MAML2: variants seen among roughly 807,000 people sequenced by gnomAD.
MAML2 encodes mastermind-like protein 2.
MAML2 carries 22 observed loss-of-function variants against 96.1 expected under a neutral mutation model. The observed-to-expected ratio is 0.23, with a 90% CI of 0.16 to 0.33. MAML2 has a LOEUF of 0.33. Ranked by LOEUF, MAML2 falls within the 10% of genes least tolerant of loss-of-function variation. The pLI, the probability that MAML2 is intolerant of heterozygous loss-of-function variation, is 1.00. For synonymous variants in MAML2, 561 were observed against 521.3 expected, an observed-to-expected ratio of 1.08 and a Z score of -1.04; for missense variants, 1,367 against 1,392.4, an observed-to-expected ratio of 0.98 and a Z score of 0.29.
intron 1 of MAML2, among the ~76,000 whole-genome samples, chr11:96,323,494 A>AAC (rs1349173545): frequency 3.3e-5 from 5 of 151,712 alleles, no homozygotes; most frequent in Admixed American, 6.6e-5. Flanking sequence ...AAAAAAAAAA[A>AAC]AACCCATCTG....
intron 1 of MAML2, among the ~76,000 whole-genome samples, chr11:96,256,831 T>G (rs1862675391): frequency 6.6e-6 from 1 of 152,232 alleles, no homozygotes; most frequent in African/African-American, 2.4e-5. Flanking sequence ...ACATCTGGTT[T>G]GACTCTATCA....
At chr11:96,252,501 C>T (rs1384000986) in intron 1 of MAML2, among the ~76,000 whole-genome samples, 1 of 149,372 alleles carries the variant, frequency 6.7e-6, no homozygotes, top group Non-Finnish European at 1.5e-5. Context: ...TCTCTGCTCA[C>T]TGCAACTTCT....
In MAML2 at chr11:96,248,513, A is replaced by C. The variant is rs147794264; in HGVS notation, c.513+92870T>G. ...TACTTTTATTCTCTGCTATTACTAC[A>C]CTGTTACTGGAGATGAAACTACCCT... On this transcript the variant is annotated intron_variant, in intron 1 of 4. Transcript: ENST00000524717. Among the ~76,000 whole-genome samples the C allele has an allele frequency of 2.3e-3, 350 of 151,942 alleles. 3 individuals carry two copies. The highest frequency in any genetic ancestry group is 8.3e-3 in the African/African-American group (344 of 41,424).
At chr11:96,143,882 G>A (rs977094306) in intron 1 of MAML2, among the ~76,000 whole-genome samples, 3 of 152,200 alleles carry the variant, frequency 2.0e-5, no homozygotes, top group Admixed American at 2.0e-4. Context: ...CTGGGGGAAC[G>A]TGAGGTTTGT....
intron 2 of MAML2, among the ~76,000 whole-genome samples, chr11:96,090,641 T>C (rs1035727925): frequency 1.3e-5 from 2 of 152,212 alleles, no homozygotes; most frequent in Admixed American, 1.3e-4. Context: ...TGTGTATATA[T>C]ATGTCTGTAC....
chr11:95,985,214 C>T lies in MAML2; in HGVS notation c.2455+317G>A, dbSNP rs534163599. ...CCTGTCTAAGAGGGAGAAATGTCTG[C>T]TTACCTTCTACTACCTGGGTTAAGG... On this transcript the variant is annotated intron_variant, in intron 4 of 4. Transcript: ENST00000524717. Among the ~76,000 whole-genome samples the T allele has an allele frequency of 1.7e-3, 264 of 152,264 alleles. 2 individuals are homozygous for T. The highest frequency in any genetic ancestry group is 5.7e-3 in the African/African-American group (237 of 41,562).
intron 1 of MAML2, among the ~76,000 whole-genome samples, chr11:96,158,559 C>A (rs1287200824): frequency 6.6e-6 from 1 of 152,152 alleles, no homozygotes; most frequent in East Asian, 1.9e-4. Context: ...CAGCAGATTT[C>A]TTTTGCCTGG....
chr11:96,182,336 T>C (rs2135911857), intron 1 of MAML2, among the ~76,000 whole-genome samples: 1 of 152,304 alleles, frequency 6.6e-6, no homozygotes, highest in Admixed American at 6.5e-5. Context: ...ATTCAACAAA[T>C]ATCTATTTAG....
At chr11:96,050,133 G>A (rs899584842) in intron 2 of MAML2, among the ~76,000 whole-genome samples, 1 of 152,116 alleles carries the variant, frequency 6.6e-6, no homozygotes, top group African/African-American at 2.4e-5. Flanking sequence ...GATCCTTACC[G>A]GTGTGGCTCC....
intron 2 of MAML2, among the ~76,000 whole-genome samples, chr11:95,994,714 TC>T (rs1301630356): frequency 6.6e-6 from 1 of 152,226 alleles, no homozygotes; most frequent in Non-Finnish European, 1.5e-5. Context: ...TCTGCTCTTT[TC>T]TTTGTTAGTT....
chr11:96,139,477 A>T (rs1329123868), intron 1 of MAML2, among the ~76,000 whole-genome samples: 1 of 140,368 alleles, frequency 7.1e-6, no homozygotes, highest in Non-Finnish European at 1.6e-5. Context: ...ACTCTGTCTT[A>T]AAAAAAAAAA....
intron 2 of MAML2, among the ~76,000 whole-genome samples, chr11:96,040,993 G>T (rs995063665): frequency 3.3e-5 from 5 of 152,282 alleles, no homozygotes; most frequent in Middle Eastern, 3.4e-3. Context: ...TTGTAGATCA[G>T]TCATTCATTG....
chr11:96,164,989 T>G (rs1861169189), intron 1 of MAML2, among the ~76,000 whole-genome samples: 1 of 152,144 alleles, frequency 6.6e-6, no homozygotes, highest in Non-Finnish European at 1.5e-5. Context: ...AGACAACAAT[T>G]ATAGAAAACT....
Position 96,342,152 on chromosome 11 carries a change from T to C in MAML2, c.-257A>G. The stretch of plus-strand genomic sequence containing the variant: ...ACAAACCCTGATTAACTTACTCTAA[T>C]TGCATTTGACAGCTCTGGAGAAGTT... On this transcript the variant is annotated 5_prime_UTR_variant, in exon 1 of 5. Transcript: ENST00000524717. The C allele has an allele frequency of 2.0e-6, 1 of 510,782 alleles. No homozygotes were observed. Among genetic ancestry groups the C allele is most frequent in the Non-Finnish European group, 3.5e-6 (1 of 289,670 alleles). The allele number at this position is 510,782 out of a possible 1,614,324, so 31.6% of individuals were successfully genotyped here. A position where few individuals can be genotyped will look rare whatever the true frequency, so the allele number is the denominator to read the frequency against.
chr11:96,204,735 C>T (rs1272081122), intron 1 of MAML2, among the ~76,000 whole-genome samples: 2 of 152,168 alleles, frequency 1.3e-5, no homozygotes, highest in Non-Finnish European at 2.9e-5. Flanking sequence ...TGCTTAAGTT[C>T]ATACAGCCAC....
At chr11:95,986,821 C>G (rs775460481) in intron 3 of MAML2, among the ~76,000 whole-genome samples, 17 of 152,070 alleles carry the variant, frequency 1.1e-4, no homozygotes, top group Non-Finnish European at 2.2e-4. Context: ...CACAGGTTTG[C>G]TGTCCTCCCT....
chr11:96,172,376 G>A (rs117528849), intron 1 of MAML2, among the ~76,000 whole-genome samples: 1,646 of 152,312 alleles, frequency 0.011, 13 homozygotes, highest in Non-Finnish European at 0.014. Context: ...GGTGTTCAGA[G>A]AGTCTCCTTC....
In MAML2 at chr11:96,115,390, T is replaced by C. The variant is rs377526031; in HGVS notation, c.514-21873A>G. Among the ~76,000 whole-genome samples, 348 of 151,988 alleles carry C rather than the reference T, an allele frequency of 2.3e-3. 2 individuals are homozygous for C. Among genetic ancestry groups the C allele is most frequent in the African/African-American group, 7.8e-3 (324 of 41,436 alleles). On this transcript the variant is annotated intron_variant, in intron 1 of 4. Transcript: ENST00000524717. ...CTTTGTAGGTTGCCCAGGCTGGTCG[T>C]GAACTCTTGGTCTCAAGCAAATCTC...
rs528520544 is a variant in MAML2 at position 96,054,083 on chromosome 11, T to C, written c.2139+37809A>G. Among the ~76,000 whole-genome samples the C allele has an allele frequency of 3.3e-5, 5 of 152,292 alleles. No individual in the cohort carries two copies. The South Asian group carries it at 1.0e-3, about 32-fold the overall frequency. On this transcript the variant is annotated intron_variant, in intron 2 of 4. Transcript: ENST00000524717. ...TTACTATGCATGGGTCCCTTGCCCA[T>C]TCCTCTCTGCAAAATCCCCAGAGGA...
Sources: allele counts gnomAD v4.1 joint callset (sites outside exome capture counted in the v4.1 genomes callset), GRCh38; gene constraint gnomAD v4.1.1; transcripts MANE v1.5; gene names NCBI Gene and HGNC (gene_info 2026-07-23, HGNC 2026-07-21).